STON2: variants seen among roughly 807,000 people sequenced by gnomAD.
STON2 encodes the protein stonin-2.
STON2 carries 29 observed loss-of-function variants against 65.7 expected under a neutral mutation model. That is an observed-to-expected ratio of 0.44 (90% confidence interval 0.33 to 0.60). The LOEUF is 0.60. Ranked by LOEUF, STON2 falls within the 20% of genes least tolerant of loss-of-function variation. The pLI is 0.03. For synonymous variants in STON2, 404 were observed against 414.2 expected (o/e 0.98, Z 0.30); for missense variants, 1,054 against 1,118.1 (o/e 0.94, Z 0.82).
rs557079516 is a variant in STON2 at position 81,423,355 on chromosome 14, G to A, written c.-199+3747C>T. On this transcript the variant is annotated intron_variant, in intron 2 of 8. Transcript: ENST00000553821. Reference sequence around the variant, plus strand: ...CATCTCTGGAAAAATACACATACATGCAACATTAATTATAATTTAAGGCAC... The same window carrying A: ...CATCTCTGGAAAAATACACATACATACAACATTAATTATAATTTAAGGCAC... Among the ~76,000 whole-genome samples, 44 of 152,230 alleles carry A rather than the reference G, an allele frequency of 2.9e-4. No individual in the cohort carries two copies. In the East Asian group the frequency reaches 8.1e-3, roughly 28 times the overall value.
chr14:81,392,003 G>A (rs796739198), intron 3 of STON2, among the ~76,000 whole-genome samples: 10 of 152,208 alleles, frequency 6.6e-5, no homozygotes, highest in African/African-American at 2.4e-4. Flanking sequence ...AAATTCTTAG[G>A]ACAATGCAGG....
chr14:81,432,167 C>T (rs371628442), intron 1 of STON2, among the ~76,000 whole-genome samples: 29 of 151,866 alleles, frequency 1.9e-4, no homozygotes, highest in Non-Finnish European at 2.9e-4. Flanking sequence ...GCCATGCTTA[C>T]GAATGAGAAA....
intron 4 of STON2, among the ~76,000 whole-genome samples, chr14:81,349,473 G>A (rs939688253): frequency 6.6e-5 from 10 of 151,978 alleles, no homozygotes; most frequent in African/African-American, 1.9e-4. Context: ...TGGCCAACAG[G>A]CATATGAAAA....
chr14:81,309,983 G>A (rs546480540), intron 5 of STON2, among the ~76,000 whole-genome samples: 2 of 152,152 alleles, frequency 1.3e-5, no homozygotes, highest in Non-Finnish European at 2.9e-5. Flanking sequence ...TTAGAGCTGG[G>A]AGACCTCCCC....
chr14:81,323,874 TTGTC>T lies in STON2; in HGVS notation c.742+139_742+142del, dbSNP rs376727413. Among the ~76,000 whole-genome samples, 34 of 147,122 alleles carry T rather than the reference TTGTC, an allele frequency of 2.3e-4. No homozygotes were observed. In the East Asian group the frequency reaches 3.6e-3, roughly 16 times the overall value. On this transcript the variant is annotated intron_variant, in intron 5 of 7. Transcript: ENST00000614646. ...AACCCTCCTGCGAAAAGACATTTCT[TTGTC>T]TGGGGACCACCGAGAACTAACCAAA...
upstream of STON2, among the ~76,000 whole-genome samples, chr14:81,404,240 C>T (rs879612789): frequency 6.6e-6 from 1 of 152,188 alleles, no homozygotes; most frequent in East Asian, 1.9e-4. Context: ...AATTCCAATA[C>T]AGCAGACACT....
chr14:81,415,668 CAAAAAAA>C (rs35270491), intron 2 of STON2, among the ~76,000 whole-genome samples: 1 of 77,306 alleles, frequency 1.3e-5, no homozygotes, highest in Non-Finnish European at 2.5e-5. Context: ...GACTCCATCG[CAAAAAAA>C]AAAAAAAAAA....
At chr14:81,294,658 C>T (rs1465014365) in intron 5 of STON2, among the ~76,000 whole-genome samples, 1 of 151,874 alleles carries the variant, frequency 6.6e-6, no homozygotes, top group Non-Finnish European at 1.5e-5. Flanking sequence ...GTCCATGTAT[C>T]CCTGGGGAAG....
chr14:81,336,092 A>C (rs1318959392), intron 4 of STON2, among the ~76,000 whole-genome samples: 1 of 152,144 alleles, frequency 6.6e-6, no homozygotes, highest in African/African-American at 2.4e-5. Flanking sequence ...ACTGCCCTTG[A>C]GGTTGAGGCT....
upstream of STON2, among the ~76,000 whole-genome samples, chr14:81,403,956 C>T (rs868820302): frequency 5.9e-5 from 9 of 152,052 alleles, no homozygotes; most frequent in Admixed American, 6.5e-5. Context: ...TTGCTAATGT[C>T]GCTATATGAG....
intron 2 of STON2, among the ~76,000 whole-genome samples, chr14:81,410,586 A>C (rs545943706): frequency 2.0e-4 from 31 of 152,270 alleles, no homozygotes; most frequent in Non-Finnish European, 3.2e-4. Context: ...TCCAGTGAGA[A>C]CACCACTGGC....
intron 6 of STON2, among the ~76,000 whole-genome samples, chr14:81,272,933 A>T (rs1437870162): frequency 6.6e-6 from 1 of 152,232 alleles, no homozygotes; most frequent in East Asian, 1.9e-4. Context: ...ACAGCCGTTA[A>T]GTGGTAGAGC....
In STON2 at chr14:81,277,238, C is replaced by A; in HGVS notation, c.2244G>T (p.Arg748Ser). Residue 748 changes from arginine (R) to serine (S), a missense_variant, in exon 6 of 8, where the codon AGG (arginine) becomes AGT (serine). Arg to Ser is a moderately radical substitution (Grantham distance 110). Coordinates refer to ENST00000614646, the MANE Select transcript of STON2 (RefSeq NM_001394390.1). ...CTGCCCCATTGACACTTGTGGCCGT[C>A]CTGAGTGTGAAAGGCAAGGTCTTCT... Reference protein sequence around the residue: ...FAEKTLPFTLRTATSVNGAEV... With the variant: ...FAEKTLPFTLSTATSVNGAEV... The A allele has an allele frequency of 6.2e-7, 1 of 1,614,196 alleles. No individual in the cohort carries two copies. The highest frequency in any genetic ancestry group is 1.3e-5 in the African/African-American group (1 of 75,046).
chr14:81,338,422 C>G (rs1192241093), intron 4 of STON2, among the ~76,000 whole-genome samples: 1 of 152,188 alleles, frequency 6.6e-6, no homozygotes, highest in African/African-American at 2.4e-5. Flanking sequence ...GGTGTGGAAG[C>G]TCTGGGCCCC....
At position 81,371,100 on chromosome 14, in the gene STON2, G is replaced by A; in HGVS notation, c.459C>T (p.Thr153=). 1 of 1,614,082 alleles carries A rather than the reference G, an allele frequency of 6.2e-7. No homozygotes were observed. The highest frequency in any genetic ancestry group is 1.1e-5 in the South Asian group (1 of 91,080). Residue 153 remains threonine, a synonymous_variant, in exon 4 of 8, where the codon ACC becomes ACT. Coordinates refer to ENST00000614646, the MANE Select transcript of STON2 (RefSeq NM_001394390.1). ...GACTGCTGGTGTCTTCAGAATGGGT[G>A]GTCCAGCTGCTCTCAGAAGTCAGAG... The part of the protein sequence containing the change: ...RCPLTSESSW[T]THSEDTSSPS...
intron 4 of STON2, among the ~76,000 whole-genome samples, chr14:81,345,606 CAA>C (rs1897780825): frequency 6.6e-6 from 1 of 152,060 alleles, no homozygotes; most frequent in Non-Finnish European, 1.5e-5. Flanking sequence ...TACAAAAAAA[CAA>C]AAATTAGCCG....
In STON2 at chr14:81,373,999, CTTTTTTT is replaced by C. The variant is rs57877137; in HGVS notation, c.374-2821_374-2815del. ...GGAAAAGCAAATACTATAATAATGC[CTTTTTTT>C]TTTTTTTTTTTTTTTTTTTTTTGAG... On this transcript the variant is annotated intron_variant, in intron 3 of 7. Coordinates refer to ENST00000614646, the MANE Select transcript of STON2 (RefSeq NM_001394390.1). Among the ~76,000 whole-genome samples, 10 of 60,464 alleles carry C rather than the reference CTTTTTTT, an allele frequency of 1.7e-4. 1 individual carries two copies. Among genetic ancestry groups the C allele is most frequent in the Admixed American group, 9.4e-4 (4 of 4,262 alleles). The allele number at this position is 60,464 out of a possible 152,430, so 39.7% of individuals were successfully genotyped here. A position where few individuals can be genotyped will look rare whatever the true frequency, so the allele number is the denominator to read the frequency against.
chr14:81,384,496 A>G (rs1342770230), intron 3 of STON2, among the ~76,000 whole-genome samples: 2 of 141,380 alleles, frequency 1.4e-5, no homozygotes, highest in Non-Finnish European at 3.2e-5. Context: ...TCAGCCTACC[A>G]AAGTGGTGGG....
chr14:81,368,877 T>TA (rs981887243), intron 4 of STON2, among the ~76,000 whole-genome samples: 69 of 152,132 alleles, frequency 4.5e-4, no homozygotes, highest in Admixed American at 3.3e-4. Flanking sequence ...AGGGGCCAGT[T>TA]AGTTTCTGGT....
Sources: allele counts gnomAD v4.1 joint callset (sites outside exome capture counted in the v4.1 genomes callset), GRCh38; gene constraint gnomAD v4.1.1; transcripts MANE v1.5; gene names NCBI Gene and HGNC (gene_info 2026-07-23, HGNC 2026-07-21).